NAP1L1: variants seen among roughly 807,000 people sequenced by gnomAD.
The protein encoded by NAP1L1 is nucleosome assembly protein 1 like 1.
In NAP1L1, 9 loss-of-function variants were observed where a neutral mutation model predicts 58.9. The ratio of observed to expected loss-of-function variants is 0.15; its 90% CI spans 0.09 to 0.27. The LOEUF (loss-of-function observed/expected upper bound fraction) is 0.27, where lower values mean the gene tolerates loss of function less well. Ranked by LOEUF, NAP1L1 falls within the 10% of genes least tolerant of loss-of-function variation. The probability of loss-of-function intolerance (pLI) is 1.00; values close to 1 mark genes in which losing one functional copy is unlikely to be tolerated. For missense variants in NAP1L1, 302 were observed against 458.8 expected (o/e 0.66, Z 3.12); for synonymous variants, 130 against 138.3 (o/e 0.94, Z 0.42).
At chr12:76,055,122 ACATGG>A (rs761466888) in intron 7 of NAP1L1, 32 bp from the exon 8 acceptor site, 1 of 1,459,754 alleles carries the variant, frequency 6.9e-7, no homozygotes, top group South Asian at 1.2e-5. Flanking sequence ...AAAATGAATA[ACATGG>A]CATTCGAGGA....
At chr12:76,054,920 G>A in intron 8 of NAP1L1, 99 bp downstream of exon 8, 1 of 738,730 alleles carries the variant, frequency 1.4e-6, no homozygotes. Flanking sequence ...CTATAACAAA[G>A]AGCACCAACC....
chr12:76,052,116 T>C (rs1948866700), intron 11 of NAP1L1, among the ~76,000 whole-genome samples: 1 of 152,168 alleles, frequency 6.6e-6, no homozygotes, highest in Admixed American at 6.5e-5. Context: ...CCTCTGTGAA[T>C]TCCATGAATG....
rs760213536 is a variant in NAP1L1 at position 76,060,269 on chromosome 12, C to T, written c.217G>A (p.Val73Ile). ...AGAGCATTCACTCGTCTTTTAACTA[C>T]CCTAGGCAGGCTGAAAGGTTAGAAA... Reference protein sequence around the residue: ...PTGYIESLPRVVKRRVNALKN... With the variant: ...PTGYIESLPRIVKRRVNALKN... The change falls in exon 5 of 15, where the codon GTA becomes ATA. Residue 73 changes from valine (V) to isoleucine (I), a missense_variant. Physicochemically the swap from Val to Ile is conservative, Grantham distance 29. Coordinates refer to ENST00000618691, the MANE Select transcript of NAP1L1 (RefSeq NM_004537.7). 3.5e-5 allele frequency: 56 copies of T among 1,613,504 alleles called. No homozygotes were observed. The highest frequency in any genetic ancestry group is 3.7e-5 in the Non-Finnish European group (44 of 1,179,838).
At chr12:76,055,466 A>G (rs1213682616) in intron 7 of NAP1L1, among the ~76,000 whole-genome samples, 2 of 152,206 alleles carry the variant, frequency 1.3e-5, no homozygotes, top group African/African-American at 4.8e-5. Flanking sequence ...TAGAATTGTA[A>G]TAAGCAGTAA....
Position 76,055,104 on chromosome 12 carries a change from AAAT to A in NAP1L1, c.559-17_559-15del, listed in dbSNP as rs1198286484. The A allele has an allele frequency of 2.6e-6, 4 of 1,553,504 alleles. No homozygotes were observed. The Admixed American group carries it at 5.4e-5, about 21-fold the overall frequency. On this transcript the variant is annotated splice_polypyrimidine_tract_variant and intron_variant, in intron 7 of 14. Transcript: ENST00000618691. ...TTCATCGTGTTCCTTCAAATTAAAA[AAAT>A]AATAAAAATGAATAACATGGCATTC... is the stretch of plus-strand genomic sequence containing the variant.
chr12:76,057,215 C>T lies in NAP1L1; in HGVS notation c.430-1054G>A, dbSNP rs537810624. ...GGCTGAGGTGGGAGAATAGCTTGGG[C>T]CCAGGAATGAGCTGCAGTGAGCCAA... On this transcript the variant is annotated intron_variant, in intron 6 of 14. Transcript: ENST00000618691. 93 of 219,300 alleles carry T rather than the reference C, an allele frequency of 4.2e-4. 1 individual carries two copies. The highest frequency in any genetic ancestry group is 2.1e-3 in the African/African-American group (88 of 42,824). 13.6% of individuals were successfully genotyped at this position (219,300 alleles called of 1,614,324 possible).
intron 9 of NAP1L1, 49 bp downstream of exon 9, chr12:76,053,721 T>C (rs761418438): frequency 4.0e-5 from 64 of 1,581,762 alleles, no homozygotes; most frequent in Non-Finnish European, 5.1e-5. Context: ...AAATCAAGTA[T>C]AACAAAAACA....
chr12:76,070,449 T>C (rs757296822), intron 2 of NAP1L1, among the ~76,000 whole-genome samples: 1 of 152,184 alleles, frequency 6.6e-6, no homozygotes, highest in Non-Finnish European at 1.5e-5. Context: ...CTTTAAGTGT[T>C]TGATAAGTGT....
intron 1 of NAP1L1, among the ~76,000 whole-genome samples, chr12:76,075,108 A>C (rs1259436808): frequency 6.6e-6 from 1 of 152,206 alleles, no homozygotes; most frequent in African/African-American, 2.4e-5. Context: ...TGCCACAGGT[A>C]ATCTACAGAT....
rs572804224 is a variant in NAP1L1, at chr12:76,079,899, G to A, written c.-21+4668C>T. On this transcript the variant is annotated intron_variant, in intron 1 of 14. Coordinates refer to ENST00000618691, the MANE Select transcript of NAP1L1 (RefSeq NM_004537.7). ...TAAAGACAGGGTGTCTCACTATGTC[G>A]CCTAGACTGGTCTGGAAATTCTGGG... is the stretch of plus-strand genomic sequence containing the variant. Among the ~76,000 whole-genome samples the A allele has an allele frequency of 7.2e-5, 11 of 152,138 alleles. No homozygotes were observed. The East Asian group carries it at 1.4e-3, about 19-fold the overall frequency.
intron 14 of NAP1L1, 82 bp from the exon 15 acceptor site, chr12:76,048,546 A>G (rs867751823): frequency 2.2e-6 from 3 of 1,380,508 alleles, no homozygotes; most frequent in East Asian, 2.3e-5. Context: ...TGCCTTAATT[A>G]TAACAGTAGC....
chr12:76,067,671 A>C (rs1949744867), intron 3 of NAP1L1, 198 bp from the exon 4 acceptor site: 1 of 467,402 alleles, frequency 2.1e-6, no homozygotes, highest in Non-Finnish European at 3.9e-6. Flanking sequence ...TCAGATTCCT[A>C]ATCTATCTCT....
intron 6 of NAP1L1, chr12:76,056,641 G>A (rs867137518): frequency 1.5e-5 from 7 of 455,328 alleles, no homozygotes; most frequent in Middle Eastern, 3.2e-4. Context: ...AAGCCTCCAT[G>A]TCTTCACTTG....
At chr12:76,056,201 T>A in intron 6 of NAP1L1, 40 bp from the exon 7 acceptor site, 1 of 1,577,334 alleles carries the variant, frequency 6.3e-7, no homozygotes, top group African/African-American at 1.4e-5. Context: ...ATACATAGAT[T>A]AGACCTCATG....
At chr12:76,078,055 C>T (rs1466626341) in intron 1 of NAP1L1, among the ~76,000 whole-genome samples, 2 of 145,282 alleles carry the variant, frequency 1.4e-5, no homozygotes, top group Admixed American at 6.9e-5. Flanking sequence ...TGTTAAAAAT[C>T]TTAAAAGCAC....
rs1379617046 is a variant in NAP1L1 at position 76,038,821 on chromosome 12, ATTG to A, written c.*9605_*9607del. ...ATCACAATAACTACCTAAGTAAATC[ATTG>A]TTGAGTAACAATGAGCACCCCTTAA... On this transcript the variant is annotated 3_prime_UTR_variant, in exon 15 of 15. Coordinates refer to ENST00000618691, the MANE Select transcript of NAP1L1 (RefSeq NM_004537.7). 6.6e-6 allele frequency: 1 copy of A among 152,208 alleles called. No individual in the cohort carries two copies. The highest frequency in any genetic ancestry group is 1.5e-5 in the Non-Finnish European group (1 of 68,028). 9.4% of individuals were successfully genotyped at this position (152,208 alleles called of 1,614,324 possible).
At chr12:76,058,440 G>A (rs1472167175) in intron 6 of NAP1L1, among the ~76,000 whole-genome samples, 10 of 149,022 alleles carry the variant, frequency 6.7e-5, no homozygotes, top group East Asian at 3.9e-4. Context: ...GGGCTGGAGC[G>A]CAGTGGTGCG....
At chr12:76,048,509 T>C (rs764524481) in intron 14 of NAP1L1, 45 bp from the exon 15 acceptor site, 2 of 1,599,892 alleles carry the variant, frequency 1.3e-6, no homozygotes, top group Non-Finnish European at 1.7e-6. Context: ...TTCTACCTGC[T>C]TCAGTGAATT....
intron 13 of NAP1L1, 29 bp downstream of exon 13, chr12:76,049,727 G>GA: frequency 6.2e-7 from 1 of 1,611,064 alleles, no homozygotes; most frequent in Non-Finnish European, 8.5e-7. Flanking sequence ...TAACCACAGA[G>GA]AATTATTTGC....
Sources: allele counts gnomAD v4.1 joint callset (sites outside exome capture counted in the v4.1 genomes callset), GRCh38; gene constraint gnomAD v4.1.1; transcripts MANE v1.5; gene names NCBI Gene and HGNC (gene_info 2026-07-23, HGNC 2026-07-21).